Variants in FHIP2B observed in about 807,000 individuals in gnomAD.
FHIP2B encodes FHF complex subunit HOOK interacting protein 2B, also known as FHF complex subunit HOOK-interacting protein 2B.
In FHIP2B, 72 loss-of-function variants were observed where a neutral mutation model predicts 84.0. The ratio of observed to expected loss-of-function variants is 0.86; its 90% confidence interval spans 0.71 to 1.04. FHIP2B has a LOEUF of 1.04. Among genes scored for constraint, FHIP2B ranks in the 50% least tolerant of loss-of-function variants. The probability of loss-of-function intolerance (pLI) is 0.00; values close to 1 mark genes in which losing one functional copy is unlikely to be tolerated. For missense variants in FHIP2B, 972 were observed against 968.9 expected, an observed-to-expected ratio of 1.00 and a Z score of -0.04; for synonymous variants, 497 against 418.7, an observed-to-expected ratio of 1.19 and a Z score of -2.28.
Position 22,104,372 on chromosome 8 carries a change from T to C in FHIP2B, c.*1441T>C, listed in dbSNP as rs568807859. The C allele has an allele frequency of 6.6e-6, 1 of 152,602 alleles. No homozygotes were observed. Among genetic ancestry groups the C allele is most frequent in the South Asian group, 2.1e-4 (1 of 4,830 alleles). 9.5% of individuals were successfully genotyped at this position (152,602 alleles called of 1,614,324 possible). ...GACAGCACAGCAATAAATGGTGTGA[T>C]TGCGTGGACACCGTGGCTCTGTTCT... is the stretch of plus-strand genomic sequence containing the variant. On this transcript the variant is annotated 3_prime_UTR_variant, in exon 17 of 17. Transcript: ENST00000289921.
chr8:22,089,942 T>A, intron 1 of FHIP2B: 1 of 907,988 alleles, frequency 1.1e-6, no homozygotes. Flanking sequence ...CTGTGACCCC[T>A]CACAAGCCAA....
intron 12 of FHIP2B, chr8:22,101,188 A>T (rs1178247826): frequency 4.5e-6 from 3 of 667,022 alleles, no homozygotes; most frequent in Non-Finnish European, 7.5e-6. Flanking sequence ...ACACCCAGCT[A>T]ATTTTTATAG....
In FHIP2B at chr8:22,100,656, C is replaced by T; in HGVS notation, c.1404C>T (p.Ile468=). The T allele has an allele frequency of 6.2e-7, 1 of 1,605,108 alleles. No individual in the cohort carries two copies. The highest frequency in any genetic ancestry group is 1.7e-5 in the Admixed American group (1 of 58,872). ...ELLQKPHEGI[I]HSLVLRNLEG... is the part of the protein sequence containing the mutation. ...TGCAGAAGCCCCACGAGGGGATCAT[C>T]CACAGCCTGGTCCTGCGCAACCTTG... is the stretch of plus-strand genomic sequence containing the variant. Residue 468 remains isoleucine (I), a synonymous_variant, in exon 11 of 17, where the codon ATC becomes ATT. Coordinates refer to ENST00000289921, the MANE Select transcript of FHIP2B (RefSeq NM_022749.7).
At chr8:22,102,751 C>T (rs1253093676) in intron 16 of FHIP2B, 42 bp from the exon 17 acceptor site, 5 of 1,609,270 alleles carry the variant, frequency 3.1e-6, no homozygotes, top group Admixed American at 1.7e-5. Flanking sequence ...GGGCACAGTC[C>T]TGCCCCCACC....
At chr8:22,096,233 C>T in intron 2 of FHIP2B, 104 bp from the exon 3 acceptor site, 1 of 1,192,868 alleles carries the variant, frequency 8.4e-7, no homozygotes, top group Non-Finnish European at 1.1e-6. Flanking sequence ...CCACCTCTCC[C>T]AGACAGGACC....
Position 22,096,375 on chromosome 8 carries a change from C to A in FHIP2B, c.163C>A (p.Arg55=). The A allele has an allele frequency of 1.3e-6, 2 of 1,559,504 alleles. No individual in the cohort carries two copies. The highest frequency in any genetic ancestry group is 1.7e-6 in the Non-Finnish European group (2 of 1,151,860). ...TPAKKTDIPW[R]LKQMLDILVY... is the part of the protein sequence containing the mutation. ...CGCCAAGAAGACAGACATTCCCTGG[C>A]GGCTGAAGCAGATGCTGGATATCCT... Residue 55 remains arginine, a synonymous_variant, in exon 3 of 17, where the codon CGG becomes AGG. Transcript: ENST00000289921.
chr8:22,094,359 C>G, intron 1 of FHIP2B, 81 bp from the exon 2 acceptor site: 3 of 1,417,124 alleles, frequency 2.1e-6, no homozygotes, highest in Non-Finnish European at 1.9e-6. Flanking sequence ...GAACCTGACA[C>G]TCAGAATATC....
intron 1 of FHIP2B, among the ~76,000 whole-genome samples, chr8:22,093,906 C>T (rs1825631988): frequency 6.6e-6 from 1 of 152,020 alleles, no homozygotes; most frequent in South Asian, 2.1e-4. Context: ...TTTATAGAGA[C>T]AGAGCTTCAT....
At chr8:22,098,894 A>G in intron 7 of FHIP2B, 54 bp from the exon 8 acceptor site, 1 of 1,425,758 alleles carries the variant, frequency 7.0e-7, no homozygotes, top group Non-Finnish European at 9.7e-7. Flanking sequence ...ACATTGAGGA[A>G]GACCTTGAAG....
chr8:22,089,599 C>G (rs1825358760), intron 1 of FHIP2B, among the ~76,000 whole-genome samples: 1 of 152,072 alleles, frequency 6.6e-6, no homozygotes, highest in Admixed American at 6.5e-5. Context: ...CTCGCCTCCG[C>G]CGGGACGCTC....
chr8:22,090,155 G>GGA (rs1554573646), intron 1 of FHIP2B, among the ~76,000 whole-genome samples: 1 of 137,146 alleles, frequency 7.3e-6, no homozygotes, highest in African/African-American at 2.6e-5. Context: ...CGGTAGGGTG[G>GGA]GGGGGGTGCC....
intron 10 of FHIP2B, 155 bp from the exon 11 acceptor site, chr8:22,100,438 AC>A (rs954997507): frequency 4.2e-5 from 29 of 693,836 alleles, no homozygotes; most frequent in Non-Finnish European, 5.5e-5. Context: ...CTAGGCCCAC[AC>A]CCCCCAACTA....
rs750985022 is a variant in FHIP2B at position 22,098,946 on chromosome 8, A to G, written c.966-2A>G. On this transcript the variant is annotated splice_acceptor_variant, in intron 7 of 16. Coordinates refer to ENST00000289921, the MANE Select transcript of FHIP2B (RefSeq NM_022749.7). LOFTEE classifies it high-confidence loss of function. ...TGAGACTTCACTCCCCTCTTCCTTC[A>G]GGTTACCCAGTGCCCCGTCTGATGA... The G allele has an allele frequency of 6.3e-7, 1 of 1,599,368 alleles. No individual in the cohort carries two copies. Among genetic ancestry groups the G allele is most frequent in the Non-Finnish European group, 8.5e-7 (1 of 1,171,862 alleles).
chr8:22,101,404 G>A, intron 12 of FHIP2B, 36 bp from the exon 13 acceptor site: 1 of 1,531,974 alleles, frequency 6.5e-7, no homozygotes, highest in Non-Finnish European at 8.9e-7. Flanking sequence ...AGCAGGGTGA[G>A]CCGGGAGCGC....
At chr8:22,090,313 C>T (rs986210193) in intron 1 of FHIP2B, among the ~76,000 whole-genome samples, 1 of 152,170 alleles carries the variant, frequency 6.6e-6, no homozygotes, top group Non-Finnish European at 1.5e-5. Flanking sequence ...TCCTCCCCAC[C>T]ACCTCCTCCC....
intron 10 of FHIP2B, 189 bp downstream of exon 10, chr8:22,100,082 A>C: frequency 2.1e-6 from 1 of 479,704 alleles, no homozygotes; most frequent in Non-Finnish European, 3.5e-6. Flanking sequence ...TTTTTTTTTT[A>C]AAGAGACAGG....
chr8:22,102,934 C>T lies in FHIP2B; in HGVS notation c.*3C>T. The T allele has an allele frequency of 1.2e-6, 2 of 1,612,890 alleles. No individual in the cohort carries two copies. Among genetic ancestry groups the T allele is most frequent in the East Asian group, 4.5e-5 (2 of 44,886 alleles). ...CAGCCCCGGAAGGGCAGGTCTGAGC[C>T]AGCACCAGGGCGGTGGGAGACTCCT... is the stretch of plus-strand genomic sequence containing the variant. On this transcript the variant is annotated 3_prime_UTR_variant, in exon 17 of 17. Transcript: ENST00000289921.
chr8:22,100,078 TTTTA>T, intron 10 of FHIP2B, 185 bp downstream of exon 10: 3 of 622,756 alleles, frequency 4.8e-6, no homozygotes, highest in East Asian at 3.3e-5. Context: ...TTTTTTTTTT[TTTTA>T]AAGAGACAGG....
intron 12 of FHIP2B, 44 bp downstream of exon 12, chr8:22,101,016 T>C (rs539509589): frequency 9.0e-6 from 14 of 1,558,726 alleles, no homozygotes; most frequent in Middle Eastern, 1.7e-4. Context: ...AGTTTTATTT[T>C]ATTTTATTTT....
Sources: gnomAD v4.1 joint callset for allele counts (sites outside exome capture counted in the v4.1 genomes callset) on GRCh38, gnomAD v4.1.1 for gene constraint, MANE v1.5 for transcripts, NCBI Gene and HGNC (gene_info 2026-07-23, HGNC 2026-07-21) for gene names.